Variants in DHX36 observed in about 807,000 individuals in gnomAD.
The protein encoded by DHX36 is ATP-dependent DNA/RNA helicase DHX36.
In DHX36, 50 loss-of-function variants were observed where a neutral mutation model predicts 139.0. That is an observed-to-expected ratio of 0.36 (90% confidence interval 0.29 to 0.46). The LOEUF (loss-of-function observed/expected upper bound fraction) is 0.46, where lower values mean the gene tolerates loss of function less well. DHX36 is among the 20% of genes least tolerant of loss of function. The pLI is 1.00. For synonymous variants in DHX36, 425 were observed against 401.9 expected (o/e 1.06, Z -0.69); for missense variants, 1,024 against 1,211.3 (o/e 0.85, Z 2.29).
At chr3:154,288,210 T>G (rs925191026) in intron 17 of DHX36, among the ~76,000 whole-genome samples, 1 of 144,586 alleles carries the variant, frequency 6.9e-6, no homozygotes, top group Non-Finnish European at 1.5e-5. Context: ...CAACAATACA[T>G]TTGAATCTCA....
At position 154,305,424 on chromosome 3, in the gene DHX36, A is replaced by T. The variant is rs1712460287; in HGVS notation, c.894-256T>A. On this transcript the variant is annotated intron_variant, in intron 6 of 24. Coordinates refer to ENST00000496811, the MANE Select transcript of DHX36 (RefSeq NM_020865.3). Reference sequence around the variant, plus strand: ...TACGACCATTCACATTCAGACAACAACTGAATTACTTATGGGGCCTAAATA... The same window carrying T: ...TACGACCATTCACATTCAGACAACATCTGAATTACTTATGGGGCCTAAATA... 1.5e-5 allele frequency: 5 copies of T among 327,268 alleles called. No homozygotes were observed. The South Asian group carries it at 2.4e-4, about 16-fold the overall frequency. 20.3% of individuals were successfully genotyped at this position (327,268 alleles called of 1,614,324 possible).
intron 20 of DHX36, among the ~76,000 whole-genome samples, chr3:154,282,146 T>C (rs1044396649): frequency 6.6e-6 from 1 of 152,174 alleles, no homozygotes; most frequent in South Asian, 2.1e-4. Flanking sequence ...TCAAAACGTG[T>C]TCTTACATAC....
At chr3:154,293,852 A>G in intron 13 of DHX36, 40 bp from the exon 14 acceptor site, 1 of 1,386,634 alleles carries the variant, frequency 7.2e-7, no homozygotes, top group Non-Finnish European at 1.0e-6. Context: ...AAGTACACTA[A>G]CTTCTAATAC....
In DHX36 at chr3:154,283,253, G is replaced by C. The variant is rs753647774; in HGVS notation, c.2311C>G (p.Arg771Gly). 1 of 1,613,214 alleles carries C rather than the reference G, an allele frequency of 6.2e-7. No individual in the cohort carries two copies. ...TCCTTTTCGTATCTGAAACCACGTC[G>C]CCTAGCCTCTTCCCAGCCCTATGGG... The part of the protein sequence containing the change: ...NAFEGWEEAR[R>G]RGFRYEKDYC... The change falls in exon 20 of 25, where the codon CGA (arginine) becomes GGA (glycine). Residue 771 changes from arginine (R) to glycine (G), a missense_variant. Physicochemically the swap from Arg to Gly is moderately radical, Grantham distance 125 (BLOSUM62 -2). This residue lies in a region of DHX36 where 470 missense variants were observed against 616.2 expected (regional missense o/e 0.76). Transcript: ENST00000496811.
chr3:154,315,934 G>T, intron 2 of DHX36, 105 bp downstream of exon 2: 1 of 1,332,878 alleles, frequency 7.5e-7, no homozygotes, highest in Non-Finnish European at 1.0e-6. Flanking sequence ...AGGAAAAAAA[G>T]TACGTAAAGG....
At position 154,294,714 on chromosome 3, in the gene DHX36, G is replaced by C. The variant is rs146285462; in HGVS notation, c.1605+570C>G. Reference sequence around the variant, plus strand: ...AGAGAAAAGGATAAACTAGAAATGGGGGGAGGAGCAGGTTTTCTAATCAAT... The same window carrying C: ...AGAGAAAAGGATAAACTAGAAATGGCGGGAGGAGCAGGTTTTCTAATCAAT... On this transcript the variant is annotated intron_variant, in intron 13 of 24. Transcript: ENST00000496811. Among the ~76,000 whole-genome samples the C allele has an allele frequency of 5.6e-3, 857 of 152,248 alleles. 7 individuals carry two copies. The highest frequency in any genetic ancestry group is 0.02 in the African/African-American group (833 of 41,550).
intron 1 of DHX36, among the ~76,000 whole-genome samples, chr3:154,320,678 T>A (rs1299714944): frequency 2.0e-5 from 3 of 152,202 alleles, no homozygotes; most frequent in Non-Finnish European, 2.9e-5. Context: ...AAAAGAGTCA[T>A]CATTAACACT....
intron 3 of DHX36, among the ~76,000 whole-genome samples, chr3:154,312,900 T>TATATATAAAA (rs1331669290): frequency 4.4e-5 from 3 of 67,600 alleles, no homozygotes; most frequent in Non-Finnish European, 5.6e-5. Context: ...TATATATATA[T>TATATATAAAA]AAAATAAATA....
At chr3:154,310,747 C>A (rs1205147962) in intron 4 of DHX36, among the ~76,000 whole-genome samples, 13 of 126,182 alleles carry the variant, frequency 1.0e-4, no homozygotes, top group Non-Finnish European at 1.9e-4. Flanking sequence ...CCACTGCACT[C>A]CAGCCTGGCA....
At chr3:154,295,727 T>C (rs1330537203) in intron 12 of DHX36, among the ~76,000 whole-genome samples, 1 of 152,204 alleles carries the variant, frequency 6.6e-6, no homozygotes, top group African/African-American at 2.4e-5. Flanking sequence ...ACTGAATGAA[T>C]AGGCAACAAT....
intron 16 of DHX36, among the ~76,000 whole-genome samples, chr3:154,289,269 T>A (rs900868844): frequency 6.6e-6 from 1 of 152,194 alleles, no homozygotes; most frequent in Non-Finnish European, 1.5e-5. Context: ...AACAAGCTGA[T>A]TACTCACTAT....
Position 154,289,828 on chromosome 3 carries a change from T to C in DHX36, c.1815-2A>G, listed in dbSNP as rs1576862273. 1 of 1,550,334 alleles carries C rather than the reference T, an allele frequency of 6.5e-7. No individual in the cohort carries two copies. The highest frequency in any genetic ancestry group is 8.8e-7 in the Non-Finnish European group (1 of 1,141,824). ...TGATAGCAATGACCAGGTTGAACTC[T>C]TAAAAAAAAAACAAAACAAAATGAA... is the stretch of plus-strand genomic sequence containing the variant. On this transcript the variant is annotated splice_acceptor_variant, in intron 15 of 24. Transcript: ENST00000496811. LOFTEE classifies it high-confidence loss of function.
At chr3:154,287,566 C>T (rs1314520850) in intron 17 of DHX36, among the ~76,000 whole-genome samples, 1 of 152,046 alleles carries the variant, frequency 6.6e-6, no homozygotes, top group East Asian at 1.9e-4. Flanking sequence ...AGGAGAATCG[C>T]TTGAATCTGG....
intron 17 of DHX36, among the ~76,000 whole-genome samples, chr3:154,286,471 A>ATG: frequency 6.6e-6 from 1 of 151,688 alleles, no homozygotes; most frequent in Middle Eastern, 3.4e-3. Flanking sequence ...TCGAAAGATG[A>ATG]TGAAATATTT....
At chr3:154,317,783 A>ACTT (rs1234834975) in intron 1 of DHX36, among the ~76,000 whole-genome samples, 1 of 152,084 alleles carries the variant, frequency 6.6e-6, no homozygotes, top group Non-Finnish European at 1.5e-5. Flanking sequence ...TGATGAAAGC[A>ACTT]GACAGCAATG....
intron 12 of DHX36, among the ~76,000 whole-genome samples, chr3:154,298,873 C>G (rs1176731189): frequency 6.6e-6 from 1 of 152,184 alleles, no homozygotes; most frequent in Non-Finnish European, 1.5e-5. Flanking sequence ...GAGATCGCAC[C>G]ACTGCACTCC....
At chr3:154,304,754 T>A (rs1251113986) in intron 8 of DHX36, 52 bp downstream of exon 8, 25 of 1,365,344 alleles carry the variant, frequency 1.8e-5, no homozygotes, top group Middle Eastern at 2.7e-4. Context: ...TTAATTTTTT[T>A]AATTGTTTTT....
At chr3:154,302,952 C>T (rs1576872374) in intron 9 of DHX36, among the ~76,000 whole-genome samples, 1 of 152,258 alleles carries the variant, frequency 6.6e-6, no homozygotes, top group Non-Finnish European at 1.5e-5. Context: ...TGGCACACAC[C>T]TGTAATCCTA....
rs1200211915 is a variant in DHX36 at position 154,274,586 on chromosome 3, T to C, written c.*1585A>G. 1.3e-5 allele frequency: 2 copies of C among 152,240 alleles called. No individual in the cohort carries two copies. The highest frequency in any genetic ancestry group is 6.5e-5 in the Admixed American group (1 of 15,280). The allele number at this position is 152,240 out of a possible 1,614,324, so 9.4% of individuals were successfully genotyped here. ...CAACTATCAGAGTCAGAAAAGACAA[T>C]GTCCAGAGAGAGCAGGATTTCCTCC... On this transcript the variant is annotated 3_prime_UTR_variant, in exon 25 of 25. Coordinates refer to ENST00000496811, the MANE Select transcript of DHX36 (RefSeq NM_020865.3).
Sources: gnomAD v4.1 joint callset for allele counts (sites outside exome capture counted in the v4.1 genomes callset) on GRCh38, gnomAD v4.1.1 for gene constraint, gnomAD v4.1.1 regional missense constraint, MANE v1.5 for transcripts, NCBI Gene and HGNC (gene_info 2026-07-23, HGNC 2026-07-21) for gene names.